MTARC2: variants seen among roughly 807,000 people sequenced by gnomAD.
MTARC2 encodes the protein MOCO sulphurase C-terminal domain containing 2.
Under a neutral mutation model 35.6 loss-of-function variants are expected in MTARC2, and 27 were observed. That is an observed-to-expected ratio of 0.76 (90% CI 0.56 to 1.04). The LOEUF (loss-of-function observed/expected upper bound fraction) is 1.04, where lower values mean the gene tolerates loss of function less well. MTARC2 is among the 50% of genes least tolerant of loss of function. MTARC2 has a pLI of 0.00. For missense variants in MTARC2, 412 were observed against 432.5 expected, an observed-to-expected ratio of 0.95 and a Z score of 0.42; for synonymous variants, 158 against 167.1, an observed-to-expected ratio of 0.95 and a Z score of 0.42.
chr1:220,777,000 T>A (rs1299389043), intron 4 of MTARC2, among the ~76,000 whole-genome samples: 1 of 152,126 alleles, frequency 6.6e-6, no homozygotes, highest in Non-Finnish European at 1.5e-5. Flanking sequence ...CCATCGGAGG[T>A]CACGATCTAC....
At chr1:220,774,233 A>G (rs1346871070) in intron 4 of MTARC2, among the ~76,000 whole-genome samples, 1 of 152,008 alleles carries the variant, frequency 6.6e-6, no homozygotes, top group African/African-American at 2.4e-5. Flanking sequence ...CACCTGGCTA[A>G]TTTTTGTAAT....
At chr1:220,770,967 G>C (rs1237184999) in intron 4 of MTARC2, among the ~76,000 whole-genome samples, 1 of 152,216 alleles carries the variant, frequency 6.6e-6, no homozygotes, top group Non-Finnish European at 1.5e-5. Flanking sequence ...GTTTCTAAGA[G>C]TAGGTGGTCT....
At chr1:220,755,156 G>T (rs1403644711) in intron 2 of MTARC2, 36 bp downstream of exon 2, 2 of 1,555,234 alleles carry the variant, frequency 1.3e-6, no homozygotes, top group African/African-American at 2.8e-5. Context: ...AACTGCAACA[G>T]GCTTGGTTTC....
chr1:220,757,005 C>T (rs1572294857), intron 2 of MTARC2, among the ~76,000 whole-genome samples: 1 of 152,366 alleles, frequency 6.6e-6, no homozygotes, highest in East Asian at 1.9e-4. Flanking sequence ...CAGGTTCAAG[C>T]GATTCTCCTG....
Position 220,748,517 on chromosome 1 carries a change from C to G in MTARC2, c.-15C>G, listed in dbSNP as rs1335862586. The G allele has an allele frequency of 7.2e-7, 1 of 1,383,926 alleles. No homozygotes were observed. Among genetic ancestry groups the G allele is most frequent in the Non-Finnish European group, 9.3e-7 (1 of 1,078,884 alleles). 85.7% of individuals were successfully genotyped at this position (1,383,926 alleles called of 1,614,324 possible). ...CCGGGTCTGTGCGCCGGTCCGCGCC[C>G]GCCCTCGCTCTGCCATGGGCGCTTC... On this transcript the variant is annotated 5_prime_UTR_variant, in exon 1 of 8. Transcript: ENST00000366913.
In MTARC2 at chr1:220,748,559, GC is replaced by G; in HGVS notation, c.31del (p.Arg11AlafsTer18). 7.0e-7 allele frequency: 1 copy of G among 1,438,032 alleles called. No homozygotes were observed. The highest frequency in any genetic ancestry group is 9.1e-7 in the Non-Finnish European group (1 of 1,104,176). 89.1% of individuals were successfully genotyped at this position (1,438,032 alleles called of 1,614,324 possible). A position where few individuals can be genotyped will look rare whatever the true frequency, so the allele number is the denominator to read the frequency against. On this transcript the variant is annotated frameshift_variant, in exon 1 of 8. Coordinates refer to ENST00000366913, the MANE Select transcript of MTARC2 (RefSeq NM_017898.5). LOFTEE classifies it high-confidence loss of function. Reference protein sequence around the residue: MGASSSSALARLGLPARPWP... With the variant: MGASSSSALXRLGLPARPWP... Reference sequence around the variant, plus strand: ...GGGCGCTTCCAGCTCCTCCGCGCTGGCCCGCCTCGGCCTCCCAGCCCGGCCC... The same window carrying G: ...GGGCGCTTCCAGCTCCTCCGCGCTGGCCGCCTCGGCCTCCCAGCCCGGCCC...
chr1:220,769,340 G>A (rs1671670909), intron 4 of MTARC2, among the ~76,000 whole-genome samples: 1 of 152,234 alleles, frequency 6.6e-6, no homozygotes, highest in African/African-American at 2.4e-5. Flanking sequence ...CGCAGCTAGG[G>A]CGGCCAGCGG....
chr1:220,750,214 G>A (rs1671093258), intron 1 of MTARC2, among the ~76,000 whole-genome samples: 1 of 152,202 alleles, frequency 6.6e-6, no homozygotes, highest in Admixed American at 6.5e-5. Context: ...CAAATATGAA[G>A]GATAAGAAAA....
At chr1:220,781,224 T>C (rs1672062950) in intron 6 of MTARC2, among the ~76,000 whole-genome samples, 1 of 152,200 alleles carries the variant, frequency 6.6e-6, no homozygotes. Context: ...TAAGATGTAG[T>C]GATAATTATT....
At chr1:220,777,633 G>A (rs1406250615) in intron 4 of MTARC2, among the ~76,000 whole-genome samples, 1 of 152,184 alleles carries the variant, frequency 6.6e-6, no homozygotes, top group Non-Finnish European at 1.5e-5. Flanking sequence ...GTACCCCAAT[G>A]CCTCCTACCT....
chr1:220,770,463 G>A (rs896905274), intron 4 of MTARC2: 68 of 985,290 alleles, frequency 6.9e-5, no homozygotes, highest in Non-Finnish European at 8.1e-5. Context: ...CACGCTTATC[G>A]ATCCCTTGTA....
chr1:220,749,865 C>A (rs891053324), intron 1 of MTARC2, among the ~76,000 whole-genome samples: 1 of 152,158 alleles, frequency 6.6e-6, no homozygotes, highest in Non-Finnish European at 1.5e-5. Context: ...CCAGGACACG[C>A]GGATGCACTG....
At chr1:220,762,514 T>C (rs1419180126) in intron 3 of MTARC2, among the ~76,000 whole-genome samples, 1 of 152,178 alleles carries the variant, frequency 6.6e-6, no homozygotes, top group Non-Finnish European at 1.5e-5. Flanking sequence ...ACTAGAACAG[T>C]GCCTGGTAGG....
At chr1:220,774,790 C>T (rs1572314708) in intron 4 of MTARC2, among the ~76,000 whole-genome samples, 1 of 152,352 alleles carries the variant, frequency 6.6e-6, no homozygotes, top group African/African-American at 2.4e-5. Flanking sequence ...TATTTAAGAA[C>T]TCACCTTGGC....
At chr1:220,761,517 T>C in intron 2 of MTARC2, 141 bp from the exon 3 acceptor site, 1 of 704,788 alleles carries the variant, frequency 1.4e-6, no homozygotes, top group South Asian at 2.1e-5. Context: ...CTCTTGCACT[T>C]CTGCCCAGCT....
chr1:220,777,362 G>A (rs1339988839), intron 4 of MTARC2, among the ~76,000 whole-genome samples: 1 of 152,146 alleles, frequency 6.6e-6, no homozygotes, highest in African/African-American at 2.4e-5. Context: ...GGGGTTGGAG[G>A]GGCTGGCTTG....
chr1:220,768,889 G>A (rs1671655898), intron 4 of MTARC2, among the ~76,000 whole-genome samples: 1 of 152,142 alleles, frequency 6.6e-6, no homozygotes, highest in Non-Finnish European at 1.5e-5. Context: ...TGCCTTTCAA[G>A]GTAAAAGTTC....
At chr1:220,754,732 C>T (rs1282936082) in intron 1 of MTARC2, among the ~76,000 whole-genome samples, 1 of 152,242 alleles carries the variant, frequency 6.6e-6, no homozygotes, top group East Asian at 1.9e-4. Flanking sequence ...CAGCCAGACA[C>T]TCTCCCAGAA....
chr1:220,752,240 T>C (rs572462821), intron 1 of MTARC2, among the ~76,000 whole-genome samples: 1 of 152,304 alleles, frequency 6.6e-6, no homozygotes, highest in African/African-American at 2.4e-5. Flanking sequence ...AGAAATAATG[T>C]CAGAAATAAT....
Sources: allele counts gnomAD v4.1 joint callset (sites outside exome capture counted in the v4.1 genomes callset), GRCh38; gene constraint gnomAD v4.1.1; transcripts MANE v1.5; gene names NCBI Gene and HGNC (gene_info 2026-07-23, HGNC 2026-07-21).